The following RORA variants were observed in gnomAD, a reference collection of about 807,000 sequenced individuals.
RORA encodes RAR related orphan receptor A, also known as nuclear receptor ROR-alpha.
RORA carries 7 observed loss-of-function variants against 69.5 expected under a neutral mutation model. The observed-to-expected ratio is 0.10, with a 90% CI of 0.06 to 0.19. The LOEUF (loss-of-function observed/expected upper bound fraction) is 0.19. Ranked by LOEUF, RORA falls within the 10% of genes least tolerant of loss-of-function variation. The pLI is 1.00. For synonymous variants in RORA, 261 were observed against 240.8 expected (o/e 1.08, Z -0.78); for missense variants, 457 against 663.0 (o/e 0.69, Z 3.41).
intron 1 of RORA, among the ~76,000 whole-genome samples, chr15:60,786,802 C>T (rs143795861): frequency 3.9e-5 from 6 of 152,358 alleles, no homozygotes; most frequent in Admixed American, 6.5e-5. Context: ...GATGCTCACC[C>T]GACTGGATCC....
At chr15:60,652,752 C>T (rs1262805635) in intron 2 of RORA, among the ~76,000 whole-genome samples, 1 of 152,184 alleles carries the variant, frequency 6.6e-6, no homozygotes, top group East Asian at 1.9e-4. Flanking sequence ...CACATTTAAC[C>T]ATTTTGAAAC....
At chr15:60,936,313 G>A (rs925816378) in intron 1 of RORA, among the ~76,000 whole-genome samples, 3 of 152,166 alleles carry the variant, frequency 2.0e-5, no homozygotes, top group Non-Finnish European at 4.4e-5. Flanking sequence ...AACAAAGTAG[G>A]ATGCTTTTAC....
At chr15:60,595,344 C>T (rs2068642750) in intron 2 of RORA, among the ~76,000 whole-genome samples, 1 of 152,002 alleles carries the variant, frequency 6.6e-6, no homozygotes, top group Non-Finnish European at 1.5e-5. Context: ...GAAACCCCAT[C>T]TCTACAAAAA....
intron 2 of RORA, among the ~76,000 whole-genome samples, chr15:60,587,018 A>C (rs2068355420): frequency 6.6e-6 from 1 of 152,200 alleles, no homozygotes; most frequent in African/African-American, 2.4e-5. Flanking sequence ...AGAATTCGTA[A>C]GCTTTATACT....
intron 1 of RORA, among the ~76,000 whole-genome samples, chr15:61,111,404 G>A (rs1175795710): frequency 1.3e-5 from 2 of 152,184 alleles, no homozygotes; most frequent in African/African-American, 4.8e-5. Flanking sequence ...TGGGTAGGGA[G>A]ATTTTCTTTT....
At chr15:60,540,142 C>T (rs2066814398) in intron 2 of RORA, among the ~76,000 whole-genome samples, 1 of 152,192 alleles carries the variant, frequency 6.6e-6, no homozygotes, top group Admixed American at 6.5e-5. Context: ...AGTCATCTGA[C>T]TCACAGAACT....
chr15:60,659,708 C>T (rs1354499633), intron 2 of RORA, among the ~76,000 whole-genome samples: 1 of 152,082 alleles, frequency 6.6e-6, no homozygotes, highest in African/African-American at 2.4e-5. Context: ...TAAAAATAAT[C>T]ATCTGATAAA....
intron 1 of RORA, among the ~76,000 whole-genome samples, chr15:60,995,963 G>C (rs569862962): frequency 2.0e-5 from 3 of 152,092 alleles, no homozygotes; most frequent in African/African-American, 4.8e-5. Flanking sequence ...AGTGATTCTT[G>C]TTTATGCATT....
At chr15:60,883,038 G>A (rs1269098889) in intron 1 of RORA, among the ~76,000 whole-genome samples, 2 of 148,384 alleles carry the variant, frequency 1.3e-5, no homozygotes, top group Admixed American at 6.8e-5. Flanking sequence ...GGCTGAGGCA[G>A]GGGAATCACT....
chr15:61,175,684 T>G (rs767215987), intron 1 of RORA, among the ~76,000 whole-genome samples: 4 of 151,784 alleles, frequency 2.6e-5, no homozygotes, highest in Non-Finnish European at 5.9e-5. Context: ...GTCACTGCAC[T>G]CCAACCCGGG....
intron 1 of RORA, among the ~76,000 whole-genome samples, chr15:60,887,319 C>T (rs1189906419): frequency 6.6e-6 from 1 of 152,128 alleles, no homozygotes. Context: ...TACTCTTGTT[C>T]CTACTCGCAC....
chr15:61,005,692 C>G (rs1222852410), intron 1 of RORA, among the ~76,000 whole-genome samples: 1 of 152,144 alleles, frequency 6.6e-6, no homozygotes, highest in Admixed American at 6.5e-5. Flanking sequence ...CATTACTTAA[C>G]ACTCACAACA....
At chr15:61,201,794 C>A (rs1363533000) in intron 1 of RORA, among the ~76,000 whole-genome samples, 1 of 152,168 alleles carries the variant, frequency 6.6e-6, no homozygotes, top group Non-Finnish European at 1.5e-5. Flanking sequence ...GAGACCAATA[C>A]ATTTTTTCCT....
intron 1 of RORA, among the ~76,000 whole-genome samples, chr15:60,727,362 C>A (rs1348789784): frequency 6.6e-6 from 1 of 152,024 alleles, no homozygotes; most frequent in Non-Finnish European, 1.5e-5. Flanking sequence ...GTGAACAGAC[C>A]CCTGCTTAGA....
At chr15:60,677,120 A>C (rs1248931061) in intron 2 of RORA, 3 of 455,042 alleles carry the variant, frequency 6.6e-6, no homozygotes, top group Non-Finnish European at 1.3e-5. Context: ...GAGGCCCAGG[A>C]CTGAGCTAGC....
chr15:61,115,401 A>G (rs925711424), intron 1 of RORA, among the ~76,000 whole-genome samples: 2 of 152,216 alleles, frequency 1.3e-5, no homozygotes, highest in East Asian at 3.8e-4. Context: ...AAGACAGGAC[A>G]CTGGATCCTG....
intron 2 of RORA, among the ~76,000 whole-genome samples, chr15:60,606,598 G>A (rs75508357): frequency 0.015 from 2,262 of 152,106 alleles, 63 homozygotes; most frequent in African/African-American, 0.052. Flanking sequence ...ATATTTTCTC[G>A]GAGCAGACTT....
chr15:61,155,976 CG>C (rs2079438425), intron 1 of RORA, among the ~76,000 whole-genome samples: 1 of 152,154 alleles, frequency 6.6e-6, no homozygotes, highest in Admixed American at 6.5e-5. Context: ...ACACCGTTGA[CG>C]TCTCAGAACC....
At chr15:60,693,107 C>G (rs564795585) in intron 1 of RORA, among the ~76,000 whole-genome samples, 11 of 152,310 alleles carry the variant, frequency 7.2e-5, no homozygotes, top group Non-Finnish European at 1.5e-4. Flanking sequence ...CCACCATGAT[C>G]AAATTGGCTT....
Sources: allele counts gnomAD v4.1 joint callset (sites outside exome capture counted in the v4.1 genomes callset), GRCh38; gene constraint gnomAD v4.1.1; transcripts MANE v1.5; gene names NCBI Gene and HGNC (gene_info 2026-07-23, HGNC 2026-07-21).